Variants in JAK2 observed in about 807,000 individuals in gnomAD.
The protein encoded by JAK2 is tyrosine-protein kinase JAK2.
Under a neutral mutation model 139.3 loss-of-function variants are expected in JAK2, and 86 were observed. The ratio of observed to expected loss-of-function variants is 0.62; its 90% confidence interval spans 0.52 to 0.74. The LOEUF (loss-of-function observed/expected upper bound fraction) is 0.74. Among genes scored for constraint, JAK2 ranks in the 30% least tolerant of loss-of-function variants. The pLI is 0.00. For missense variants in JAK2, 1,421 were observed against 1,360.3 expected (o/e 1.04, Z -0.70); for synonymous variants, 490 against 437.7 (o/e 1.12, Z -1.49).
chr9:5,040,459 T>C (rs79841220), intron 4 of JAK2, among the ~76,000 whole-genome samples: 430 of 152,328 alleles, frequency 2.8e-3, no homozygotes, highest in African/African-American at 0.01. Context: ...AGTTAGGCTT[T>C]ATCAAAGTTA....
intron 2 of JAK2, among the ~76,000 whole-genome samples, chr9:4,997,103 A>T (rs1282012004): frequency 6.7e-6 from 1 of 148,478 alleles, no homozygotes; most frequent in African/African-American, 2.5e-5. Flanking sequence ...TAATTTTTAT[A>T]TTTTTTTTTG....
At chr9:5,103,445 G>C (rs1468774025) in intron 22 of JAK2, among the ~76,000 whole-genome samples, 1 of 151,834 alleles carries the variant, frequency 6.6e-6, no homozygotes, top group African/African-American at 2.4e-5. Flanking sequence ...CCTATAAAGA[G>C]ACTTAGACTC....
intron 4 of JAK2, among the ~76,000 whole-genome samples, chr9:5,037,428 T>C (rs1311909027): frequency 2.0e-5 from 3 of 152,206 alleles, no homozygotes; most frequent in Non-Finnish European, 4.4e-5. Context: ...TGCGGCACTA[T>C]TCACAATAAC....
chr9:5,003,580 T>G (rs1438221273), intron 2 of JAK2, among the ~76,000 whole-genome samples: 2 of 152,090 alleles, frequency 1.3e-5, no homozygotes, highest in Non-Finnish European at 1.5e-5. Context: ...ATCTTGTGAC[T>G]TTGCTAAATT....
chr9:5,020,852 A>AG (rs1241836464), intron 2 of JAK2, among the ~76,000 whole-genome samples: 2 of 151,986 alleles, frequency 1.3e-5, no homozygotes, highest in Non-Finnish European at 2.9e-5. Flanking sequence ...GTGGATATGC[A>AG]GGGGCTGTTG....
intron 2 of JAK2, 124 bp from the exon 3 acceptor site, chr9:5,021,839 C>G: frequency 3.3e-6 from 2 of 605,858 alleles, no homozygotes; most frequent in Non-Finnish European, 5.8e-6. Context: ...CACCATGTTG[C>G]TGAGGCTTGT....
intron 2 of JAK2, among the ~76,000 whole-genome samples, chr9:5,017,494 G>T (rs78531285): frequency 0.011 from 1,611 of 152,098 alleles, 29 homozygotes; most frequent in African/African-American, 0.038. Context: ...ATTTATTTCT[G>T]CTGTGAACTT....
intron 11 of JAK2, among the ~76,000 whole-genome samples, chr9:5,069,549 AAT>A: frequency 6.6e-6 from 1 of 152,280 alleles, no homozygotes; most frequent in African/African-American, 2.4e-5. Context: ...GTATTTTAAA[AAT>A]AAAGACAGTA....
chr9:5,123,389 T>G (rs1031991744), intron 23 of JAK2, among the ~76,000 whole-genome samples: 1 of 151,988 alleles, frequency 6.6e-6, no homozygotes, highest in Non-Finnish European at 1.5e-5. Flanking sequence ...AGCTCCCGCT[T>G]ATAAGTGAAA....
intron 2 of JAK2, among the ~76,000 whole-genome samples, chr9:4,988,453 G>T (rs555959182): frequency 6.6e-6 from 1 of 152,360 alleles, no homozygotes; most frequent in South Asian, 2.1e-4. Flanking sequence ...ACACTAAGTT[G>T]TAAGGACATA....
At chr9:5,068,665 A>AGATTGGAGATGGAG (rs1818736377) in intron 10 of JAK2, among the ~76,000 whole-genome samples, 1 of 152,222 alleles carries the variant, frequency 6.6e-6, no homozygotes, top group South Asian at 2.1e-4. Context: ...GCAGGAGCTG[A>AGATTGGAGATGGAG]GATTGGAGAT....
In JAK2 at chr9:5,054,804, G is replaced by A. The variant is rs763866230; in HGVS notation, c.856G>A (p.Ala286Thr). Residue 286 changes from alanine to threonine, a missense_variant, in exon 7 of 25, where the codon GCA becomes ACA. Transcript: ENST00000381652. This position sits in a 1 kb window ranked among gnomAD's most constrained non-coding sequence, Gnocchi z 4.9. The part of the protein sequence containing the change: ...GSGPSGEEIF[A>T]TIIITGNGGI... ...TGGTCCTTCAGGTGAGGAGATTTTT[G>A]CAACCATTATAATAACTGGAAACGG... 1.4e-5 allele frequency: 23 copies of A among 1,612,918 alleles called. No individual in the cohort carries two copies. In the South Asian group the frequency reaches 2.4e-4, roughly 17 times the overall value.
intron 4 of JAK2, among the ~76,000 whole-genome samples, chr9:5,039,361 A>G (rs949268539): frequency 2.0e-5 from 3 of 152,144 alleles, no homozygotes; most frequent in Non-Finnish European, 2.9e-5. Flanking sequence ...CGGTATAACA[A>G]CTATTTACAT....
At chr9:5,097,281 A>C (rs7847294) in intron 22 of JAK2, 97,636 of 152,038 alleles carry the variant, frequency 0.64, 33,424 homozygotes, top group African/African-American at 0.89. Flanking sequence ...CATTACCACA[A>C]TATTAACTGA....
intron 2 of JAK2, among the ~76,000 whole-genome samples, chr9:5,005,606 G>C (rs564345191): frequency 3.9e-5 from 6 of 152,242 alleles, no homozygotes; most frequent in African/African-American, 1.2e-4. Context: ...TTATGAGAGA[G>C]ATTCCAGTGT....
chr9:5,038,196 G>A (rs1448412239), intron 4 of JAK2, among the ~76,000 whole-genome samples: 1 of 152,148 alleles, frequency 6.6e-6, no homozygotes, highest in African/African-American at 2.4e-5. Flanking sequence ...AGAGGATCAA[G>A]ATGAAATGGA....
At chr9:5,063,689 A>G (rs966342542) in intron 8 of JAK2, among the ~76,000 whole-genome samples, 1 of 152,226 alleles carries the variant, frequency 6.6e-6, no homozygotes, top group African/African-American at 2.4e-5. Context: ...AAAAAGTTGC[A>G]TAAGAGTGTT....
intron 4 of JAK2, among the ~76,000 whole-genome samples, chr9:5,038,412 C>G (rs1467801215): frequency 6.6e-6 from 1 of 152,112 alleles, no homozygotes; most frequent in Non-Finnish European, 1.5e-5. Flanking sequence ...GATTTCTGAG[C>G]TCTTTCTGTG....
At chr9:5,124,390 G>A (rs1823841530) in intron 23 of JAK2, among the ~76,000 whole-genome samples, 2 of 151,264 alleles carry the variant, frequency 1.3e-5, no homozygotes, top group Admixed American at 6.6e-5. Flanking sequence ...TTTCTATATG[G>A]TGATAAATAT....
Sources: gnomAD v4.1 joint callset for allele counts (sites outside exome capture counted in the v4.1 genomes callset) on GRCh38, gnomAD v4.1.1 for gene constraint, Gnocchi (gnomAD v3.1) non-coding constraint, MANE v1.5 for transcripts, NCBI Gene and HGNC (gene_info 2026-07-23, HGNC 2026-07-21) for gene names.